The following CPED1 variants were observed in gnomAD, a reference collection of about 807,000 sequenced individuals.
The protein encoded by CPED1 is cadherin-like and PC-esterase domain-containing protein 1.
In CPED1, 114 loss-of-function variants were observed where a neutral mutation model predicts 128.2. The ratio of observed to expected loss-of-function variants is 0.89; its 90% CI spans 0.76 to 1.04. The LOEUF is 1.04. Ranked by LOEUF, CPED1 falls within the 50% of genes least tolerant of loss-of-function variation. CPED1 has a pLI of 0.00. For synonymous variants in CPED1, 462 were observed against 426.7 expected, an observed-to-expected ratio of 1.08 and a Z score of -1.02; for missense variants, 1,211 against 1,207.1, an observed-to-expected ratio of 1.00 and a Z score of -0.05.
rs1796692242 is a variant in CPED1 at position 121,173,099 on chromosome 7, TG to T, written c.2055+30959del. 2.0e-5 allele frequency among the ~76,000 whole-genome samples: 3 copies of T among 152,304 alleles called. No individual in the cohort carries two copies. The South Asian group carries it at 6.2e-4, about 32-fold the overall frequency. On this transcript the variant is annotated intron_variant, in intron 16 of 22. Coordinates refer to ENST00000310396, the MANE Select transcript of CPED1 (RefSeq NM_024913.5). ...GTTGGTATCTTATCATTTGGCTCAA[TG>T]AACTGGCAGTTCTTCAGTAGTTCTT...
rs145195459 is a variant in CPED1 at position 121,148,837 on chromosome 7, A to G, written c.2055+6696A>G. 3.5e-4 allele frequency among the ~76,000 whole-genome samples: 53 copies of G among 152,304 alleles called. No individual in the cohort carries two copies. In the East Asian group the frequency reaches 9.8e-3, roughly 28 times the overall value. On this transcript the variant is annotated intron_variant, in intron 16 of 22. Transcript: ENST00000310396. ...TGTTGATATAAAGACAAATGTATTT[A>G]TATTACAGATATAGACTGTCTTCTC...
intron 2 of CPED1, among the ~76,000 whole-genome samples, chr7:120,995,853 GT>G (rs373292948): frequency 1.2e-4 from 18 of 151,896 alleles, no homozygotes; most frequent in African/African-American, 3.4e-4. Context: ...ACATTCTTCA[GT>G]TTTTTTTATT....
intron 2 of CPED1, among the ~76,000 whole-genome samples, chr7:121,002,576 T>A (rs1391710400): frequency 6.6e-6 from 1 of 152,212 alleles, no homozygotes; most frequent in Non-Finnish European, 1.5e-5. Flanking sequence ...ACATAAGCTA[T>A]TTTAAAAGCA....
At position 121,266,136 on chromosome 7, in the gene CPED1, G is replaced by T. The variant is rs1792117845; in HGVS notation, c.2311-91G>T. On this transcript the variant is annotated intron_variant, in intron 18 of 22. Coordinates refer to ENST00000310396, the MANE Select transcript of CPED1 (RefSeq NM_024913.5). ...CTGTCCTTCAAACAGTTAGGTAGTA[G>T]TGTGAATATTCAAAATTTCATTATT... is the stretch of plus-strand genomic sequence containing the variant. The T allele has an allele frequency of 9.9e-6, 9 of 911,580 alleles. No homozygotes were observed. In the Admixed American group the frequency reaches 1.5e-4, roughly 15 times the overall value. 56.5% of individuals were successfully genotyped at this position (911,580 alleles called of 1,614,324 possible).
At position 121,017,663 on chromosome 7, in the gene CPED1, T is replaced by A. The variant is rs553045397; in HGVS notation, c.433+1815T>A. 2.0e-5 allele frequency among the ~76,000 whole-genome samples: 3 copies of A among 152,320 alleles called. No homozygotes were observed. The East Asian group carries it at 5.8e-4, about 29-fold the overall frequency. Reference sequence around the variant, plus strand: ...TTCTATGGGCACAACATGGATTATCTGTACATTTCAACTTGAATTTAACTT... The same window carrying A: ...TTCTATGGGCACAACATGGATTATCAGTACATTTCAACTTGAATTTAACTT... On this transcript the variant is annotated intron_variant, in intron 3 of 22. Coordinates refer to ENST00000310396, the MANE Select transcript of CPED1 (RefSeq NM_024913.5).
chr7:121,062,447 T>C (rs6974754), intron 4 of CPED1, among the ~76,000 whole-genome samples: 5,795 of 152,280 alleles, frequency 0.038, 364 homozygotes, highest in African/African-American at 0.13. Flanking sequence ...ATTAGTCTAT[T>C]ATGGGTTATC....
At chr7:121,142,194 C>T (rs1436715625) in intron 16 of CPED1, 53 bp downstream of exon 16, 1 of 1,424,366 alleles carries the variant, frequency 7.0e-7, no homozygotes, top group Non-Finnish European at 9.5e-7. Flanking sequence ...ATCTGTTAAC[C>T]CAGGCGGAAA....
intron 18 of CPED1, among the ~76,000 whole-genome samples, chr7:121,265,788 G>A (rs79831918): frequency 0.021 from 3,214 of 152,090 alleles, 46 homozygotes; most frequent in Non-Finnish European, 0.031. Context: ...TGGTTCTTTC[G>A]TCAAGTAGAC....
intron 7 of CPED1, among the ~76,000 whole-genome samples, chr7:121,100,646 G>C (rs1794826601): frequency 6.6e-6 from 1 of 152,018 alleles, no homozygotes; most frequent in Non-Finnish European, 1.5e-5. Flanking sequence ...GTTATAAAAG[G>C]TAGCTCAGGT....
At chr7:121,147,028 A>T (rs932326374) in intron 16 of CPED1, among the ~76,000 whole-genome samples, 17 of 152,202 alleles carry the variant, frequency 1.1e-4, no homozygotes, top group African/African-American at 3.6e-4. Context: ...CCTCCCCAAG[A>T]TGTGTCAACC....
chr7:121,245,857 A>AT (rs1798515335), intron 18 of CPED1, among the ~76,000 whole-genome samples: 1 of 151,890 alleles, frequency 6.6e-6, no homozygotes, highest in South Asian at 2.1e-4. Context: ...CGCCTGGCTA[A>AT]TTTTTTGTAA....
chr7:121,096,281 C>T (rs1009987614), intron 5 of CPED1, among the ~76,000 whole-genome samples: 10 of 152,132 alleles, frequency 6.6e-5, no homozygotes, highest in African/African-American at 2.4e-4. Flanking sequence ...AACAGCTTGA[C>T]TTCTGCTGAC....
At chr7:121,116,610 T>C (rs996893861) in intron 7 of CPED1, among the ~76,000 whole-genome samples, 3 of 152,100 alleles carry the variant, frequency 2.0e-5, no homozygotes, top group Admixed American at 1.3e-4. Context: ...AAAGTAAAAA[T>C]ACAGATGATT....
chr7:121,180,010 T>C (rs1796866584), intron 16 of CPED1, among the ~76,000 whole-genome samples: 1 of 152,116 alleles, frequency 6.6e-6, no homozygotes, highest in East Asian at 1.9e-4. Context: ...TTTACTGTTA[T>C]GTTTTTCTTT....
intron 5 of CPED1, among the ~76,000 whole-genome samples, chr7:121,078,614 T>C (rs1172005079): frequency 6.6e-6 from 1 of 151,996 alleles, no homozygotes; most frequent in Non-Finnish European, 1.5e-5. Flanking sequence ...GTTGGCCTTA[T>C]TCTCTCTTTC....
At chr7:121,204,006 G>A (rs988031120) in intron 16 of CPED1, among the ~76,000 whole-genome samples, 1 of 152,030 alleles carries the variant, frequency 6.6e-6, no homozygotes, top group Non-Finnish European at 1.5e-5. Flanking sequence ...CCCAACCCTC[G>A]CTTTCAGGGA....
chr7:121,211,357 A>T (rs1371814047), intron 16 of CPED1, among the ~76,000 whole-genome samples: 1 of 152,210 alleles, frequency 6.6e-6, no homozygotes, highest in East Asian at 1.9e-4. Context: ...TGCTACATCC[A>T]TTTTGGTTTT....
chr7:121,293,276 C>A (rs1392331889), intron 22 of CPED1, among the ~76,000 whole-genome samples: 2 of 152,122 alleles, frequency 1.3e-5, no homozygotes, highest in African/African-American at 2.4e-5. Context: ...GCATCCAGTT[C>A]GAAATTCCCA....
chr7:121,266,357 C>A lies in CPED1; in HGVS notation c.2441C>A (p.Thr814Asn). ...KFYHNVNGGK[T>N]LISYSYYPQF... Reference sequence around the variant, plus strand: ...TATCACAACGTCAATGGTGGGAAGACTTTGATCAGTTATTCCTACTATCCC... The same window carrying A: ...TATCACAACGTCAATGGTGGGAAGAATTTGATCAGTTATTCCTACTATCCC... Residue 814 changes from threonine to asparagine, a missense_variant, in exon 19 of 23, where the codon ACT becomes AAT. Physicochemically the swap from Thr to Asn is moderately conservative, Grantham distance 65. Coordinates refer to ENST00000310396, the MANE Select transcript of CPED1 (RefSeq NM_024913.5). 3.7e-6 allele frequency: 6 copies of A among 1,613,172 alleles called. No homozygotes were observed. The highest frequency in any genetic ancestry group is 5.1e-6 in the Non-Finnish European group (6 of 1,179,406).
Sources: gnomAD v4.1 joint callset for allele counts (sites outside exome capture counted in the v4.1 genomes callset) on GRCh38, gnomAD v4.1.1 for gene constraint, MANE v1.5 for transcripts, NCBI Gene and HGNC (gene_info 2026-07-23, HGNC 2026-07-21) for gene names.